ANK2: variants seen among roughly 807,000 people sequenced by gnomAD.
ANK2 encodes ankyrin-2.
ANK2 carries 83 observed loss-of-function variants against 360.5 expected under a neutral mutation model. The ratio of observed to expected loss-of-function variants is 0.23; its 90% CI spans 0.19 to 0.28. ANK2 has a LOEUF of 0.28. ANK2 is among the 10% of genes least tolerant of loss of function. The pLI is 1.00. For synonymous variants in ANK2, 1,740 were observed against 1,759.5 expected, an observed-to-expected ratio of 0.99 and a Z score of 0.28; for missense variants, 4,201 against 4,795.7, an observed-to-expected ratio of 0.88 and a Z score of 3.66.
chr4:113,174,569 C>A, intron 2 of ANK2, 52 bp downstream of exon 2: 2 of 1,300,612 alleles, frequency 1.5e-6, no homozygotes, highest in East Asian at 2.4e-5. Context: ...ACACTCATTA[C>A]ATTCTCAGAG....
chr4:113,250,483 C>T (rs1290659404), intron 10 of ANK2, among the ~76,000 whole-genome samples: 1 of 152,182 alleles, frequency 6.6e-6, no homozygotes, highest in African/African-American at 2.4e-5. Context: ...GGGAGAAGCA[C>T]TTTTCCATAT....
chr4:112,850,268 CTATCT>C (rs1429661168), intron 1 of ANK2, among the ~76,000 whole-genome samples: 1 of 124,264 alleles, frequency 8.0e-6, no homozygotes, highest in Non-Finnish European at 1.7e-5. Context: ...ATCTATCTAT[CTATCT>C]ATCTATCTAT....
At chr4:113,135,953 G>A (rs1297437673) in intron 1 of ANK2, among the ~76,000 whole-genome samples, 1 of 152,160 alleles carries the variant, frequency 6.6e-6, no homozygotes, top group African/African-American at 2.4e-5. Context: ...ATTTCTGTGA[G>A]TACATCAGTA....
chr4:112,958,219 G>A (rs1328730520), intron 2 of ANK2, among the ~76,000 whole-genome samples: 1 of 151,790 alleles, frequency 6.6e-6, no homozygotes, highest in Non-Finnish European at 1.5e-5. Context: ...CTGCAATCTC[G>A]GCACTTTGGA....
At chr4:112,865,140 C>T in intron 1 of ANK2, among the ~76,000 whole-genome samples, 1 of 145,858 alleles carries the variant, frequency 6.9e-6, no homozygotes. Context: ...TGTGTACTCT[C>T]ATCTACCCAA....
At chr4:112,766,421 T>C in the ANK2 span, among the ~76,000 whole-genome samples, 1 of 152,188 alleles carries the variant, frequency 6.6e-6, no homozygotes, top group African/African-American at 2.4e-5. Context: ...AAGTTAACTA[T>C]TTTGTTAGAA....
At chr4:113,152,648 T>A (rs2097139183) in intron 1 of ANK2, among the ~76,000 whole-genome samples, 1 of 152,154 alleles carries the variant, frequency 6.6e-6, no homozygotes, top group African/African-American at 2.4e-5. Flanking sequence ...GAAGTATACG[T>A]GTAATTCCAG....
In ANK2 at chr4:113,356,187, G is replaced by A. The variant is rs1053383831; in HGVS notation, c.7569G>A (p.Glu2523=). 2.5e-6 allele frequency: 4 copies of A among 1,613,862 alleles called. No individual in the cohort carries two copies. The African/African-American group carries it at 5.3e-5, about 22-fold the overall frequency. ...GCAGTGCTGAGGATGACAGTCTTGAGCAGACATCGCTCATGGAGAGCTCAG... is the reference window on the plus strand; with the variant it reads ...GCAGTGCTGAGGATGACAGTCTTGAACAGACATCGCTCATGGAGAGCTCAG... ...PDGSAEDDSL[E]QTSLMESSGK... is the part of the protein sequence containing the mutation. Residue 2523 remains glutamate (E), a synonymous_variant, in exon 38 of 46, where the codon GAG becomes GAA. Transcript: ENST00000357077.
At chr4:112,941,046 T>G (rs2154246504) in intron 2 of ANK2, among the ~76,000 whole-genome samples, 1 of 152,162 alleles carries the variant, frequency 6.6e-6, no homozygotes, top group Non-Finnish European at 1.5e-5. Context: ...TGAGAAGAGT[T>G]TGGCTACTTT....
At chr4:113,260,641 A>G (rs2153642742) in intron 13 of ANK2, among the ~76,000 whole-genome samples, 1 of 152,358 alleles carries the variant, frequency 6.6e-6, no homozygotes, top group South Asian at 2.1e-4. Flanking sequence ...CCCATGCAAT[A>G]GTTAAGACAT....
At chr4:112,761,613 C>A in the ANK2 span, among the ~76,000 whole-genome samples, 3 of 151,936 alleles carry the variant, frequency 2.0e-5, no homozygotes, top group African/African-American at 7.3e-5. Flanking sequence ...CAGTGAGACT[C>A]CGTCTCAAAA....
At chr4:113,032,893 G>A (rs2060715444) in intron 2 of ANK2, among the ~76,000 whole-genome samples, 1 of 151,960 alleles carries the variant, frequency 6.6e-6, no homozygotes, top group Non-Finnish European at 1.5e-5. Flanking sequence ...TTCTACCCAG[G>A]AAAGCATAGA....
chr4:113,162,177 TA>T (rs1313859275), intron 1 of ANK2, among the ~76,000 whole-genome samples: 1 of 152,156 alleles, frequency 6.6e-6, no homozygotes, highest in Non-Finnish European at 1.5e-5. Flanking sequence ...TCCTTTTCCA[TA>T]AACTTTCAGA....
intron 1 of ANK2, chr4:112,882,058 C>T (rs1215022726): frequency 2.6e-6 from 1 of 389,738 alleles, no homozygotes; most frequent in Non-Finnish European, 4.7e-6. Flanking sequence ...AGAAGGGCTC[C>T]TCAGGCTCTC....
At chr4:112,960,546 T>C (rs2034252318) in intron 2 of ANK2, among the ~76,000 whole-genome samples, 1 of 152,192 alleles carries the variant, frequency 6.6e-6, no homozygotes, top group Admixed American at 6.5e-5. Flanking sequence ...ACTTCCCTTA[T>C]TTTAAAATAA....
intron 2 of ANK2, among the ~76,000 whole-genome samples, chr4:113,175,900 T>A (rs957825405): frequency 6.6e-6 from 1 of 152,200 alleles, no homozygotes; most frequent in Non-Finnish European, 1.5e-5. Context: ...AGCTACTTAA[T>A]GTTGGGAAAG....
rs556952946 is a variant in ANK2, at chr4:113,251,055, A to T, written c.990+1193A>T. On this transcript the variant is annotated intron_variant, in intron 10 of 45. Coordinates refer to ENST00000357077, the MANE Select transcript of ANK2 (RefSeq NM_001148.6). ...TTGTATAGATCTGTCTTTAAAATGCAACAATTTGGGCTGGGTAATGCAGAG... is the reference window on the plus strand; with the variant it reads ...TTGTATAGATCTGTCTTTAAAATGCTACAATTTGGGCTGGGTAATGCAGAG... 2.0e-5 allele frequency among the ~76,000 whole-genome samples: 3 copies of T among 152,260 alleles called. 1 individual carries two copies. In the East Asian group the frequency reaches 5.8e-4, roughly 29 times the overall value.
At chr4:112,827,694 C>T in intron 1 of ANK2, 1 of 586,432 alleles carries the variant, frequency 1.7e-6, no homozygotes, top group Non-Finnish European at 3.0e-6. Context: ...ATTTCGATTC[C>T]TGGAACATAA....
chr4:112,786,703 T>G, the ANK2 span, among the ~76,000 whole-genome samples: 4 of 151,984 alleles, frequency 2.6e-5, no homozygotes, highest in South Asian at 8.3e-4. Context: ...ACCAGAATTT[T>G]TAATGCCTTT....
Sources: allele counts gnomAD v4.1 joint callset (sites outside exome capture counted in the v4.1 genomes callset), GRCh38; gene constraint gnomAD v4.1.1; transcripts MANE v1.5; gene names NCBI Gene and HGNC (gene_info 2026-07-23, HGNC 2026-07-21).